Variants in C1orf167 observed in about 807,000 individuals in gnomAD.
C1orf167 encodes the protein uncharacterized protein C1orf167.
A neutral mutation model predicts 176.5 loss-of-function variants in C1orf167; 153 were observed. The observed-to-expected ratio is 0.87, with a 90% CI of 0.76 to 0.99. C1orf167 has a LOEUF of 0.99. Among genes scored for constraint, C1orf167 ranks in the 50% least tolerant of loss-of-function variants. The pLI is 0.00. For synonymous variants in C1orf167, 594 were observed against 752.7 expected, an observed-to-expected ratio of 0.79 and a Z score of 3.45; for missense variants, 1,490 against 1,817.7, an observed-to-expected ratio of 0.82 and a Z score of 3.28.
intron 6 of C1orf167, 82 bp from the exon 7 acceptor site, chr1:11,771,442 G>A (rs1265861307): frequency 3.1e-5 from 26 of 837,614 alleles, no homozygotes; most frequent in Non-Finnish European, 4.1e-5. Flanking sequence ...GACCGCACCT[G>A]CCTGGGGTGG....
At chr1:11,773,481 G>A (rs1477090357) in intron 8 of C1orf167, among the ~76,000 whole-genome samples, 1 of 152,018 alleles carries the variant, frequency 6.6e-6, no homozygotes, top group East Asian at 1.9e-4. Flanking sequence ...GCCGAGGCAG[G>A]TGGATCACTT....
intron 14 of C1orf167, among the ~76,000 whole-genome samples, chr1:11,783,278 G>A (rs1011123803): frequency 6.6e-5 from 10 of 151,994 alleles, no homozygotes; most frequent in Non-Finnish European, 8.8e-5. Flanking sequence ...ACAGAGTTTC[G>A]CTCTTGTTGC....
At position 11,772,171 on chromosome 1, in the gene C1orf167, A is replaced by T. The variant is rs544962757; in HGVS notation, c.1900A>T (p.Ser634Cys). ...KATRATQRTG[S>C]FPQAWHSTAA... Reference sequence around the variant, plus strand: ...CACCAGGGCCACACAGAGGACAGGGAGCTTCCCCCAGGCCTGGCACTCTAC... The same window carrying T: ...CACCAGGGCCACACAGAGGACAGGGTGCTTCCCCCAGGCCTGGCACTCTAC... Residue 634 changes from serine (S) to cysteine (C), a missense_variant, in exon 8 of 21, where the codon AGC becomes TGC. Coordinates refer to ENST00000688073, the MANE Select transcript of C1orf167 (RefSeq NM_001010881.2). 8 of 1,304,288 alleles carry T rather than the reference A, an allele frequency of 6.1e-6. No individual in the cohort carries two copies. In the East Asian group the frequency reaches 4.4e-4, roughly 72 times the overall value. The allele number at this position is 1,304,288 out of a possible 1,614,324, so 80.8% of individuals were successfully genotyped here.
chr1:11,764,545 TC>T, intron 2 of C1orf167, 75 bp downstream of exon 2: 1 of 1,217,242 alleles, frequency 8.2e-7, no homozygotes, highest in Non-Finnish European at 1.1e-6. Context: ...AGAGCCCCCC[TC>T]CCAGGCAGGC....
chr1:11,771,862 G>A (rs2100295924), intron 7 of C1orf167, among the ~76,000 whole-genome samples: 1 of 152,318 alleles, frequency 6.6e-6, no homozygotes, highest in Admixed American at 6.5e-5. Flanking sequence ...TAAGTGACTT[G>A]TTTGAGGACA....
At chr1:11,789,140 T>C (rs1040841037) in intron 20 of C1orf167, 130 bp from the exon 21 acceptor site, 1 of 898,458 alleles carries the variant, frequency 1.1e-6, no homozygotes, top group African/African-American at 1.8e-5. Context: ...CAAGACTGGC[T>C]GGCTGCTTGG....
intron 12 of C1orf167, 168 bp from the exon 13 acceptor site, chr1:11,779,634 G>T: frequency 2.5e-6 from 1 of 406,588 alleles, no homozygotes; most frequent in African/African-American, 2.1e-5. Flanking sequence ...CCTGGGAGAG[G>T]TGCTTGGCCC....
chr1:11,775,588 G>C lies in C1orf167; in HGVS notation c.2142G>C (p.Leu714=), dbSNP rs1643276703. Residue 714 remains leucine (L), a synonymous_variant, in exon 9 of 21, where the codon CTG becomes CTC. Coordinates refer to ENST00000688073, the MANE Select transcript of C1orf167 (RefSeq NM_001010881.2). Reference sequence around the variant, plus strand: ...CAGATGGGGCAAAGGTGACCCAGCTGTCCCTCTGCCGGCAGAAAGCAGGTG... The same window carrying C: ...CAGATGGGGCAAAGGTGACCCAGCTCTCCCTCTGCCGGCAGAAAGCAGGTG... ...RESDGAKVTQ[L]SLCRQKAGRE... 2 of 1,303,384 alleles carry C rather than the reference G, an allele frequency of 1.5e-6. No homozygotes were observed. Among genetic ancestry groups the C allele is most frequent in the African/African-American group, 3.0e-5 (2 of 65,830 alleles). 80.7% of individuals were successfully genotyped at this position (1,303,384 alleles called of 1,614,324 possible). A position where few individuals can be genotyped will look rare whatever the true frequency, so the allele number is the denominator to read the frequency against.
chr1:11,763,980 C>T (rs1557716767), intron 1 of C1orf167, among the ~76,000 whole-genome samples: 1 of 152,136 alleles, frequency 6.6e-6, no homozygotes, highest in African/African-American at 2.4e-5. Context: ...GAGCTGGTTG[C>T]GAGGACGGCT....
rs1027703492 is a variant in C1orf167, at chr1:11,766,974, C to G, written c.1188C>G (p.Val396=). 1.7e-6 allele frequency: 2 copies of G among 1,205,962 alleles called. No homozygotes were observed. Among genetic ancestry groups the G allele is most frequent in the African/African-American group, 3.2e-5 (2 of 63,098 alleles). The allele number at this position is 1,205,962 out of a possible 1,614,324, so 74.7% of individuals were successfully genotyped here. A position where few individuals can be genotyped will look rare whatever the true frequency, so the allele number is the denominator to read the frequency against. ...CCTTCTCCAACACAGCCTGGGGAGTCTCACCCAAGCAGAAAGGAGAGGAGG... is the reference window on the plus strand; with the variant it reads ...CCTTCTCCAACACAGCCTGGGGAGTGTCACCCAAGCAGAAAGGAGAGGAGG... ...SSAFSNTAWG[V]SPKQKGEEGA... Residue 396 remains valine, a synonymous_variant, in exon 3 of 21, where the codon GTC becomes GTG. Coordinates refer to ENST00000688073, the MANE Select transcript of C1orf167 (RefSeq NM_001010881.2). This position sits in a 1 kb window ranked among gnomAD's most constrained non-coding sequence, Gnocchi z 4.5.
intron 10 of C1orf167, chr1:11,777,813 C>G (rs1643393868): frequency 2.0e-5 from 3 of 152,244 alleles, no homozygotes; most frequent in Admixed American, 2.0e-4. Context: ...ACCCCCAGGC[C>G]CTCCCTCTCC....
chr1:11,764,836 C>T (rs1642705890), intron 2 of C1orf167, among the ~76,000 whole-genome samples: 1 of 152,122 alleles, frequency 6.6e-6, no homozygotes, highest in South Asian at 2.1e-4. Context: ...GGGTGGATCA[C>T]CTGTGGTCAA....
chr1:11,789,503 A>G lies in C1orf167; in HGVS notation c.*57A>G, dbSNP rs1370440396. ...ACTTAGCCTTCCCAGGGAAGGAACC[A>G]TGCCCCACACATCCAGGGAGTGATG... On this transcript the variant is annotated 3_prime_UTR_variant, in exon 21 of 21. Transcript: ENST00000688073. The G allele has an allele frequency of 5.5e-6, 7 of 1,270,644 alleles. No homozygotes were observed. The Admixed American group carries it at 1.5e-4, about 27-fold the overall frequency. 78.7% of individuals were successfully genotyped at this position (1,270,644 alleles called of 1,614,324 possible). A position where few individuals can be genotyped will look rare whatever the true frequency, so the allele number is the denominator to read the frequency against.
intron 11 of C1orf167, 51 bp from the exon 12 acceptor site, chr1:11,778,875 G>A: frequency 7.7e-7 from 1 of 1,293,688 alleles, no homozygotes; most frequent in Non-Finnish European, 1.0e-6. Context: ...GGTGGAGATT[G>A]TGGGAAGGGG....
chr1:11,785,561 T>G (rs149920033), intron 16 of C1orf167, among the ~76,000 whole-genome samples: 550 of 152,202 alleles, frequency 3.6e-3, no homozygotes, highest in Non-Finnish European at 5.2e-3. Flanking sequence ...CAACTCTGAA[T>G]CCATCAGCAA....
chr1:11,773,600 C>T (rs565725723), intron 8 of C1orf167, among the ~76,000 whole-genome samples: 16 of 152,058 alleles, frequency 1.1e-4, no homozygotes, highest in Admixed American at 2.0e-4. Flanking sequence ...CCCAGCTACT[C>T]GGGAAGCTGA....
In C1orf167 at chr1:11,779,071, G is replaced by A. The variant is rs919265415; in HGVS notation, c.2642G>A (p.Arg881His). The stretch of plus-strand genomic sequence containing the variant: ...ACAGCCAGGTGGTACCAGCATACCC[G>A]CCAGAGGCGGTAGGGATCCCTCCCC... ...QGTARWYQHT[R>H]QRRIFLSWSR... Residue 881 changes from arginine to histidine, a missense_variant, in exon 12 of 21, where the codon CGC becomes CAC. Coordinates refer to ENST00000688073, the MANE Select transcript of C1orf167 (RefSeq NM_001010881.2). 7.2e-6 allele frequency: 9 copies of A among 1,247,920 alleles called. No homozygotes were observed. Among genetic ancestry groups the A allele is most frequent in the South Asian group, 1.4e-5 (1 of 70,452 alleles). 77.3% of individuals were successfully genotyped at this position (1,247,920 alleles called of 1,614,324 possible).
intron 15 of C1orf167, 45 bp from the exon 16 acceptor site, chr1:11,785,103 C>A: frequency 1.6e-6 from 2 of 1,259,044 alleles, no homozygotes; most frequent in Non-Finnish European, 2.1e-6. Flanking sequence ...TGCAGAGAGT[C>A]CTGGCCTTTA....
At chr1:11,762,528 G>C (rs1230568196) in intron 1 of C1orf167, among the ~76,000 whole-genome samples, 1 of 152,192 alleles carries the variant, frequency 6.6e-6, no homozygotes, top group Non-Finnish European at 1.5e-5. Context: ...AAGTCAACTT[G>C]GGCAAGAGGG....
Sources: allele counts gnomAD v4.1 joint callset (sites outside exome capture counted in the v4.1 genomes callset), GRCh38; gene constraint gnomAD v4.1.1; non-coding constraint Gnocchi (gnomAD v3.1); transcripts MANE v1.5; gene names NCBI Gene and HGNC (gene_info 2026-07-23, HGNC 2026-07-21).